Variants in ROBO2 observed in about 807,000 individuals in gnomAD.
The protein encoded by ROBO2 is roundabout homolog 2.
ROBO2 carries 53 observed loss-of-function variants against 160.8 expected under a neutral mutation model. The ratio of observed to expected loss-of-function variants is 0.33; its 90% CI spans 0.26 to 0.41. The LOEUF (loss-of-function observed/expected upper bound fraction) is 0.41. Ranked by LOEUF, ROBO2 falls within the 10% of genes least tolerant of loss-of-function variation. The pLI is 1.00. For missense variants in ROBO2, 1,577 were observed against 1,722.4 expected (o/e 0.92, Z 1.49); for synonymous variants, 664 against 611.7 (o/e 1.09, Z -1.26).
chr3:77,348,259 C>T (rs1021076512), intron 2 of ROBO2, among the ~76,000 whole-genome samples: 15 of 152,084 alleles, frequency 9.9e-5, no homozygotes, highest in African/African-American at 3.1e-4. Context: ...AGCTGGTTGC[C>T]CATTTTTATG....
intron 2 of ROBO2, among the ~76,000 whole-genome samples, chr3:75,998,716 A>G (rs951285800): frequency 1.3e-5 from 2 of 152,240 alleles, no homozygotes; most frequent in African/African-American, 4.8e-5. Context: ...GAGAAAAATT[A>G]AGTACTAAAT....
intron 2 of ROBO2, among the ~76,000 whole-genome samples, chr3:76,037,737 A>G (rs2067159082): frequency 6.6e-6 from 1 of 152,080 alleles, no homozygotes; most frequent in Non-Finnish European, 1.5e-5. Context: ...GAAAGAAAAG[A>G]ATAAAGTAAA....
At chr3:76,910,463 C>T (rs955789967) in intron 2 of ROBO2, among the ~76,000 whole-genome samples, 4 of 151,926 alleles carry the variant, frequency 2.6e-5, no homozygotes, top group Non-Finnish European at 5.9e-5. Flanking sequence ...CATGGTGGCT[C>T]ACGCCTGTAA....
intron 2 of ROBO2, among the ~76,000 whole-genome samples, chr3:77,460,717 G>A (rs2082153060): frequency 5.3e-5 from 8 of 152,150 alleles, no homozygotes; most frequent in Admixed American, 5.2e-4. Flanking sequence ...AAAAAAAACT[G>A]TAGGAATTTT....
At chr3:77,509,423 A>T (rs1313917342) in intron 5 of ROBO2, among the ~76,000 whole-genome samples, 1 of 152,068 alleles carries the variant, frequency 6.6e-6, no homozygotes, top group African/African-American at 2.4e-5. Context: ...GACAGGTGTG[A>T]GCAAGGATAT....
intron 2 of ROBO2, among the ~76,000 whole-genome samples, chr3:77,466,888 G>A (rs758027520): frequency 3.6e-4 from 55 of 152,188 alleles, no homozygotes; most frequent in Admixed American, 1.4e-3. Context: ...ACTTGGCATT[G>A]TAATTCATGT....
intron 2 of ROBO2, among the ~76,000 whole-genome samples, chr3:76,473,468 T>C (rs1259823852): frequency 2.0e-5 from 3 of 152,188 alleles, no homozygotes; most frequent in Admixed American, 1.3e-4. Flanking sequence ...ATAAATAGAA[T>C]AGAATTTCTG....
At chr3:77,526,263 T>C (rs1251226178) in intron 6 of ROBO2, among the ~76,000 whole-genome samples, 1 of 151,522 alleles carries the variant, frequency 6.6e-6, no homozygotes, top group African/African-American at 2.4e-5. Context: ...TGCACAAAGC[T>C]AGTATTACGA....
chr3:77,315,432 C>A (rs1446530018), intron 2 of ROBO2, among the ~76,000 whole-genome samples: 1 of 152,156 alleles, frequency 6.6e-6, no homozygotes, highest in Non-Finnish European at 1.5e-5. Flanking sequence ...AGCATTGGAC[C>A]AAACAGTAAA....
rs17014137 is a variant in ROBO2, at chr3:76,420,693, A to G, written c.109+483091A>G. ...TATAGTAATAAGCCATAAACACTGT[A>G]TAGTTCAAGCAATTGTATTTTTCCC... On this transcript the variant is annotated intron_variant, in intron 2 of 26. Coordinates refer to the ROBO2 transcript ENST00000487694. Among the ~76,000 whole-genome samples the G allele has an allele frequency of 5.6e-3, 857 of 152,350 alleles. 5 individuals are homozygous for G. Among genetic ancestry groups the G allele is most frequent in the African/African-American group, 0.019 (810 of 41,594 alleles).
intron 2 of ROBO2, among the ~76,000 whole-genome samples, chr3:77,116,766 T>G (rs990084142): frequency 6.6e-6 from 1 of 152,166 alleles, no homozygotes; most frequent in African/African-American, 2.4e-5. Context: ...TTGGCAAGTC[T>G]TTCGCCTTAG....
intron 2 of ROBO2, among the ~76,000 whole-genome samples, chr3:76,681,802 T>A (rs2092570360): frequency 6.6e-6 from 1 of 151,922 alleles, no homozygotes; most frequent in Non-Finnish European, 1.5e-5. Flanking sequence ...TTACTTTCAA[T>A]GGCAAAAACA....
intron 2 of ROBO2, among the ~76,000 whole-genome samples, chr3:76,106,865 A>G (rs2069957963): frequency 6.6e-6 from 1 of 152,140 alleles, no homozygotes; most frequent in Non-Finnish European, 1.5e-5. Flanking sequence ...GGCTGCGTGC[A>G]TAATTCTTCC....
chr3:76,440,268 T>C (rs1448405862), intron 2 of ROBO2, among the ~76,000 whole-genome samples: 1 of 152,108 alleles, frequency 6.6e-6, no homozygotes, highest in Non-Finnish European at 1.5e-5. Context: ...TTTATTATTA[T>C]ACATTAAGTT....
intron 17 of ROBO2, among the ~76,000 whole-genome samples, chr3:77,591,839 T>C (rs2094188142): frequency 6.6e-6 from 1 of 152,182 alleles, no homozygotes; most frequent in African/African-American, 2.4e-5. Flanking sequence ...AAATGAGAAC[T>C]ACCTCAAAAT....
At chr3:76,079,164 G>A (rs11922976) in intron 2 of ROBO2, among the ~76,000 whole-genome samples, 77,804 of 152,008 alleles carry the variant, frequency 0.51, 20,834 homozygotes, top group African/African-American at 0.67. Context: ...GAAGAAACAA[G>A]TTTTAAGAGG....
chr3:76,591,803 T>C (rs938955087), intron 2 of ROBO2, among the ~76,000 whole-genome samples: 3 of 152,250 alleles, frequency 2.0e-5, no homozygotes, highest in Admixed American at 1.3e-4. Flanking sequence ...ATTTTAATTT[T>C]ATTTTTACTG....
intron 2 of ROBO2, among the ~76,000 whole-genome samples, chr3:76,993,027 A>C (rs2060781338): frequency 6.6e-6 from 1 of 152,104 alleles, no homozygotes; most frequent in South Asian, 2.1e-4. Flanking sequence ...CATGTTTGCC[A>C]GGCTGGTCTC....
intron 2 of ROBO2, among the ~76,000 whole-genome samples, chr3:76,062,345 T>A (rs113353510): frequency 0.024 from 3,617 of 151,984 alleles, 143 homozygotes; most frequent in African/African-American, 0.082. Flanking sequence ...ATTTTTTTTT[T>A]ATCAGAAATC....
Sources: gnomAD v4.1 joint callset for allele counts (sites outside exome capture counted in the v4.1 genomes callset) on GRCh38, gnomAD v4.1.1 for gene constraint, MANE v1.5 for transcripts, NCBI Gene and HGNC (gene_info 2026-07-23, HGNC 2026-07-21) for gene names.